Variants in DNAH17 observed in about 807,000 individuals in gnomAD.
The protein encoded by DNAH17 is axonemal beta dynein heavy chain 17.
A neutral mutation model predicts 485.6 loss-of-function variants in DNAH17; 376 were observed. The observed-to-expected ratio is 0.77, with a 90% CI of 0.71 to 0.84. The LOEUF is 0.84. DNAH17 is among the 40% of genes least tolerant of loss of function. The pLI is 0.00. For synonymous variants in DNAH17, 3,031 were observed against 2,405.9 expected, an observed-to-expected ratio of 1.26 and a Z score of -7.60; for missense variants, 6,370 against 5,839.3, an observed-to-expected ratio of 1.09 and a Z score of -2.96.
intron 62 of DNAH17, among the ~76,000 whole-genome samples, chr17:78,457,707 C>A (rs370387413): frequency 1.5e-5 from 2 of 136,160 alleles, no homozygotes; most frequent in South Asian, 4.8e-4. Flanking sequence ...GTCACCCAGG[C>A]TGGAGTACAA....
chr17:78,496,565 C>G (rs1401455859), intron 37 of DNAH17: 5 of 151,914 alleles, frequency 3.3e-5, no homozygotes, highest in Non-Finnish European at 7.3e-5. Context: ...CCCCTTCCCT[C>G]CGTTTGACCC....
intron 75 of DNAH17, among the ~76,000 whole-genome samples, chr17:78,431,990 G>A (rs2086691677): frequency 6.6e-6 from 1 of 151,738 alleles, no homozygotes. Context: ...TAGGCAACAT[G>A]GTAAAACCCC....
At chr17:78,448,465 T>C (rs936155875) in intron 69 of DNAH17, among the ~76,000 whole-genome samples, 1 of 152,224 alleles carries the variant, frequency 6.6e-6, no homozygotes, top group Non-Finnish European at 1.5e-5. Context: ...AATTCAAGGC[T>C]ACAGTGAACT....
Position 78,494,090 on chromosome 17 carries a change from C to T in DNAH17, c.6354G>A (p.Leu2118=), listed in dbSNP as rs1472689023. The change falls in exon 41 of 81, where the codon CTG becomes CTA. Residue 2118 remains leucine (L), a synonymous_variant. Transcript: ENST00000389840. ...CGATGAACACGGAGTGGCGGACCTGCAGCAGCTCCTCCAGCTGCACCACCT... is the reference window on the plus strand; with the variant it reads ...CGATGAACACGGAGTGGCGGACCTGTAGCAGCTCCTCCAGCTGCACCACCT... The part of the protein sequence containing the change: ...VLKVVQLEEL[L]QVRHSVFIVG... 2 of 1,612,798 alleles carry T rather than the reference C, an allele frequency of 1.2e-6. No homozygotes were observed. Among genetic ancestry groups the T allele is most frequent in the Middle Eastern group, 3.3e-4 (2 of 6,062 alleles).
chr17:78,547,717 A>C (rs907169790), intron 16 of DNAH17, among the ~76,000 whole-genome samples: 5 of 151,512 alleles, frequency 3.3e-5, no homozygotes, highest in African/African-American at 1.2e-4. Context: ...TCCCAGGTTC[A>C]AGCAATTCTC....
intron 5 of DNAH17, 121 bp downstream of exon 5, chr17:78,571,158 G>A: frequency 1.6e-6 from 2 of 1,275,086 alleles, no homozygotes; most frequent in Admixed American, 2.0e-5. Context: ...AAGTGGAGGG[G>A]GCTGAGAAAG....
chr17:78,478,139 ACAT>A (rs1728704685), intron 51 of DNAH17, among the ~76,000 whole-genome samples: 1 of 146,504 alleles, frequency 6.8e-6, no homozygotes, highest in Non-Finnish European at 1.5e-5. Context: ...TGGCATCATC[ACAT>A]CACCATCATC....
At chr17:78,502,275 A>AGAT (rs1256634946) in intron 33 of DNAH17, 1 of 334,146 alleles carries the variant, frequency 3.0e-6, no homozygotes, top group Admixed American at 4.6e-5. Context: ...CTTCTTTTCA[A>AGAT]GATGATCTTT....
rs1428950805 is a variant in DNAH17 at position 78,499,308 on chromosome 17, C to T, written c.5641-196G>A. On this transcript the variant is annotated intron_variant, in intron 36 of 80. Coordinates refer to ENST00000389840, the MANE Select transcript of DNAH17 (RefSeq NM_173628.4). ...GGGTAACACCGTGGAGGGCTGGACA[C>T]GAGGAAGAGCCATCCTTTCACCCTT... 40 of 411,068 alleles carry T rather than the reference C, an allele frequency of 9.7e-5. No homozygotes were observed. The East Asian group carries it at 1.4e-3, about 14-fold the overall frequency. 25.5% of individuals were successfully genotyped at this position (411,068 alleles called of 1,614,324 possible).
chr17:78,543,606 G>A (rs914391410), intron 17 of DNAH17: 3 of 536,978 alleles, frequency 5.6e-6, no homozygotes, highest in African/African-American at 3.8e-5. Context: ...TGTATTTTTA[G>A]TAAAGGCAGG....
intron 17 of DNAH17, among the ~76,000 whole-genome samples, chr17:78,542,868 T>C (rs368613986): frequency 6.6e-6 from 1 of 152,218 alleles, no homozygotes; most frequent in East Asian, 1.9e-4. Context: ...CCCACACTCA[T>C]GGATGGGAAA....
At chr17:78,523,387 G>C (rs1021619665) in intron 25 of DNAH17, among the ~76,000 whole-genome samples, 1 of 152,216 alleles carries the variant, frequency 6.6e-6, no homozygotes, top group Non-Finnish European at 1.5e-5. Flanking sequence ...GCCTCCCAAA[G>C]TGCTGGGATT....
chr17:78,465,191 C>T (rs550769313), intron 56 of DNAH17, among the ~76,000 whole-genome samples: 28 of 152,352 alleles, frequency 1.8e-4, no homozygotes, highest in African/African-American at 6.3e-4. Flanking sequence ...CTCGGCCTCC[C>T]GAGGTGCCGG....
intron 24 of DNAH17, among the ~76,000 whole-genome samples, chr17:78,525,724 T>G (rs1391254743): frequency 1.3e-5 from 2 of 152,176 alleles, no homozygotes; most frequent in African/African-American, 4.8e-5. Context: ...CAGCTGGAGC[T>G]CCACAGCTCC....
Position 78,548,731 on chromosome 17 carries a change from G to C in DNAH17, c.2391+2804C>G, listed in dbSNP as rs141140511. On this transcript the variant is annotated intron_variant, in intron 16 of 80. Transcript: ENST00000389840. ...AGGAATTGTTGATTCCAGGCCTGATGGACTGAGTTTGAGCCATTTTCTTTT... is the reference window on the plus strand; with the variant it reads ...AGGAATTGTTGATTCCAGGCCTGATCGACTGAGTTTGAGCCATTTTCTTTT... Among the ~76,000 whole-genome samples the C allele has an allele frequency of 2.3e-4, 35 of 152,332 alleles. No individual in the cohort carries two copies. In the East Asian group the frequency reaches 4.2e-3, roughly 18 times the overall value.
Position 78,567,119 on chromosome 17 carries a change from C to G in DNAH17, c.1332G>C (p.Glu444Asp). 2 of 1,610,760 alleles carry G rather than the reference C, an allele frequency of 1.2e-6. No homozygotes were observed. Among genetic ancestry groups the G allele is most frequent in the Non-Finnish European group, 1.7e-6 (2 of 1,178,488 alleles). ...GGAGGTTCCCACGCACGCCCCCAAG[C>G]TCGATTTTCTCCAGCTTCAGAAACT... is the stretch of plus-strand genomic sequence containing the variant. ...AIEFLKLEKI[E>D]LGGVRGNLLG... Residue 444 changes from glutamate (E) to aspartate (D), a missense_variant, in exon 10 of 81, where the codon GAG (glutamate) becomes GAC (aspartate). Transcript: ENST00000389840.
At chr17:78,576,598 T>C (rs2092436036) in intron 1 of DNAH17, among the ~76,000 whole-genome samples, 1 of 151,980 alleles carries the variant, frequency 6.6e-6, no homozygotes, top group South Asian at 2.1e-4. Context: ...CGGGGACGCG[T>C]CACGTCGTCA....
At chr17:78,447,763 T>G (rs150013959) in intron 69 of DNAH17, among the ~76,000 whole-genome samples, 9 of 136,420 alleles carry the variant, frequency 6.6e-5, no homozygotes, top group African/African-American at 2.9e-4. Context: ...ACCCCATTGG[T>G]TCAAAGTTTG....
chr17:78,465,727 C>A (rs1308649970), intron 56 of DNAH17, among the ~76,000 whole-genome samples: 18 of 148,190 alleles, frequency 1.2e-4, no homozygotes, highest in Middle Eastern at 3.5e-3. Context: ...GGAGCCTCTC[C>A]GCCCGGCAGC....
Sources: gnomAD v4.1 joint callset for allele counts (sites outside exome capture counted in the v4.1 genomes callset) on GRCh38, gnomAD v4.1.1 for gene constraint, MANE v1.5 for transcripts, NCBI Gene and HGNC (gene_info 2026-07-23, HGNC 2026-07-21) for gene names.